Variants in SLC39A10 observed in about 807,000 individuals in gnomAD.
SLC39A10 encodes the protein zinc transporter ZIP10.
SLC39A10 carries 13 observed loss-of-function variants against 65.1 expected under a neutral mutation model. That is an observed-to-expected ratio of 0.20 (90% CI 0.13 to 0.32). The LOEUF is 0.32. SLC39A10 is among the 10% of genes least tolerant of loss of function. The pLI is 1.00. For missense variants in SLC39A10, 831 were observed against 1,018.4 expected, an observed-to-expected ratio of 0.82 and a Z score of 2.50; for synonymous variants, 321 against 342.2, an observed-to-expected ratio of 0.94 and a Z score of 0.68.
intron 2 of SLC39A10, among the ~76,000 whole-genome samples, chr2:195,620,053 G>A (rs1371777304): frequency 6.6e-6 from 1 of 152,118 alleles, no homozygotes; most frequent in African/African-American, 2.4e-5. Flanking sequence ...CTCCCAAGTA[G>A]CTGGGATTAC....
intron 2 of SLC39A10, among the ~76,000 whole-genome samples, chr2:195,638,627 A>G (rs993710735): frequency 1.3e-5 from 2 of 152,140 alleles, no homozygotes; most frequent in Non-Finnish European, 2.9e-5. Context: ...TACAGGCATG[A>G]GCCACCGCAC....
upstream of SLC39A10, among the ~76,000 whole-genome samples, chr2:195,654,052 C>T (rs994123500): frequency 1.3e-5 from 2 of 152,154 alleles, no homozygotes; most frequent in Non-Finnish European, 2.9e-5. Flanking sequence ...GATTCTCCTG[C>T]CTCAGCCTTC....
chr2:195,615,575 T>C (rs1392185377), intron 2 of SLC39A10, among the ~76,000 whole-genome samples: 2 of 152,202 alleles, frequency 1.3e-5, no homozygotes, highest in Non-Finnish European at 2.9e-5. Context: ...ACGGGGACTT[T>C]TTAAATTTCG....
At chr2:195,731,837 T>C (rs1388735605) in intron 9 of SLC39A10, among the ~76,000 whole-genome samples, 2 of 152,178 alleles carry the variant, frequency 1.3e-5, no homozygotes, top group African/African-American at 4.8e-5. Context: ...CTGAATGATT[T>C]ATAACATCAT....
intron 2 of SLC39A10, among the ~76,000 whole-genome samples, chr2:195,682,942 A>C (rs563480437): frequency 2.0e-5 from 3 of 151,952 alleles, no homozygotes; most frequent in Non-Finnish European, 4.4e-5. Context: ...GGTGCCATAG[A>C]TAAAGCCATA....
At chr2:195,684,444 T>C (rs959315371) in intron 3 of SLC39A10, among the ~76,000 whole-genome samples, 2 of 152,096 alleles carry the variant, frequency 1.3e-5, no homozygotes, top group African/African-American at 2.4e-5. Flanking sequence ...AAATTTCTCT[T>C]AGGCTCTTTT....
At chr2:195,679,493 A>G (rs1412210542) in intron 1 of SLC39A10, among the ~76,000 whole-genome samples, 1 of 152,216 alleles carries the variant, frequency 6.6e-6, no homozygotes, top group East Asian at 1.9e-4. Flanking sequence ...CATCAATATT[A>G]AAAACAGTTA....
rs1330970122 is a variant in SLC39A10 at position 195,735,971 on chromosome 2, T to A, written c.*930T>A. The A allele has an allele frequency of 6.6e-6, 1 of 152,338 alleles. No individual in the cohort carries two copies. Among genetic ancestry groups the A allele is most frequent in the Non-Finnish European group, 1.5e-5 (1 of 68,032 alleles). The allele number at this position is 152,338 out of a possible 1,614,324, so 9.4% of individuals were successfully genotyped here. ...AACTAGTTAATTGGGAAATGTAAGT[T>A]CTGAATGTTCACATTGCTTTACCAG... On this transcript the variant is annotated 3_prime_UTR_variant, in exon 10 of 10. Coordinates refer to ENST00000359634, the MANE Select transcript of SLC39A10 (RefSeq NM_020342.3).
chr2:195,728,349 G>A lies in SLC39A10; in HGVS notation c.2337G>A (p.Met779Ile), dbSNP rs1208014450. ...TCCTCTATGTAGCCTTGGTGGATAT[G>A]GTAAGATATTTTATATTTTTTTGTG... ...GMFLYVALVD[M>I]LPEMLHGDGD... Residue 779 changes from methionine (M) to isoleucine (I), a missense_variant and splice_region_variant, in exon 9 of 10, where the codon ATG becomes ATA. Physicochemically the swap from Met to Ile is conservative, Grantham distance 10. Transcript: ENST00000359634. This position sits in a 1 kb window ranked among gnomAD's most constrained non-coding sequence, Gnocchi z 4.4. 1 of 1,606,652 alleles carries A rather than the reference G, an allele frequency of 6.2e-7. No homozygotes were observed. The highest frequency in any genetic ancestry group is 8.5e-7 in the Non-Finnish European group (1 of 1,175,488).
At chr2:195,710,438 C>G (rs573275574) in intron 5 of SLC39A10, among the ~76,000 whole-genome samples, 9 of 152,124 alleles carry the variant, frequency 5.9e-5, no homozygotes, top group Non-Finnish European at 1.0e-4. Flanking sequence ...TTTTAAGATA[C>G]AATTTTATAC....
At chr2:195,698,876 G>C (rs916477601) in intron 3 of SLC39A10, among the ~76,000 whole-genome samples, 1 of 151,968 alleles carries the variant, frequency 6.6e-6, no homozygotes, top group East Asian at 1.9e-4. Context: ...GAAAAAGTTT[G>C]AGAAGGATTG....
chr2:195,733,170 A>G (rs1462955777), intron 9 of SLC39A10, among the ~76,000 whole-genome samples: 1 of 152,188 alleles, frequency 6.6e-6, no homozygotes, highest in African/African-American at 2.4e-5. Flanking sequence ...ATTAAGAATT[A>G]TGTGACTTAA....
chr2:195,669,520 T>G (rs1474858919), intron 1 of SLC39A10, among the ~76,000 whole-genome samples: 1 of 152,252 alleles, frequency 6.6e-6, no homozygotes, highest in African/African-American at 2.4e-5. Context: ...ATTTTTATTA[T>G]GTTCATCTAT....
At chr2:195,707,040 C>T (rs1453627071) in intron 4 of SLC39A10, among the ~76,000 whole-genome samples, 1 of 152,168 alleles carries the variant, frequency 6.6e-6, no homozygotes, top group East Asian at 1.9e-4. Context: ...ATATCAGTAG[C>T]AGTGAGTGGT....
At chr2:195,708,248 A>G (rs1236228975) in intron 4 of SLC39A10, among the ~76,000 whole-genome samples, 1 of 152,196 alleles carries the variant, frequency 6.6e-6, no homozygotes, top group African/African-American at 2.4e-5. Flanking sequence ...TTTAAGAAAG[A>G]ATTAGATTAC....
chr2:195,624,858 G>C (rs1475167727), intron 2 of SLC39A10, among the ~76,000 whole-genome samples: 1 of 136,078 alleles, frequency 7.3e-6, no homozygotes, highest in East Asian at 2.3e-4. Context: ...CTGCACTCCA[G>C]CCTGGGCGAA....
At chr2:195,625,089 C>A (rs1271272961) in intron 2 of SLC39A10, among the ~76,000 whole-genome samples, 2 of 148,442 alleles carry the variant, frequency 1.3e-5, no homozygotes, top group Non-Finnish European at 3.0e-5. Flanking sequence ...TGGTGGCGGG[C>A]GCCTGTAATC....
chr2:195,647,501 A>T (rs1008221793), intron 2 of SLC39A10, among the ~76,000 whole-genome samples: 9 of 151,800 alleles, frequency 5.9e-5, no homozygotes, highest in Non-Finnish European at 1.0e-4. Context: ...CATCTCATTC[A>T]TCTGCTTGTT....
At chr2:195,700,871 T>A (rs1018998715) in intron 3 of SLC39A10, among the ~76,000 whole-genome samples, 7 of 152,206 alleles carry the variant, frequency 4.6e-5, no homozygotes, top group African/African-American at 1.4e-4. Context: ...AGAGTTTGAT[T>A]ATAATATGTC....
Sources: gnomAD v4.1 joint callset for allele counts (sites outside exome capture counted in the v4.1 genomes callset) on GRCh38, gnomAD v4.1.1 for gene constraint, Gnocchi (gnomAD v3.1) non-coding constraint, MANE v1.5 for transcripts, NCBI Gene and HGNC (gene_info 2026-07-23, HGNC 2026-07-21) for gene names.